The following ANO4 variants were observed in gnomAD, a reference collection of about 807,000 sequenced individuals.
ANO4 encodes the protein anoctamin-4.
In ANO4, 69 loss-of-function variants were observed where a neutral mutation model predicts 141.9. The observed-to-expected ratio is 0.49, with a 90% CI of 0.40 to 0.59. The LOEUF (loss-of-function observed/expected upper bound fraction) is 0.59, where lower values mean the gene tolerates loss of function less well. ANO4 is among the 20% of genes least tolerant of loss of function. The pLI, the probability that ANO4 is intolerant of heterozygous loss-of-function variation, is 0.00. For synonymous variants in ANO4, 350 were observed against 394.3 expected, an observed-to-expected ratio of 0.89 and a Z score of 1.33; for missense variants, 894 against 1,162.2, an observed-to-expected ratio of 0.77 and a Z score of 3.36.
chr12:101,104,621 A>ATG (rs796758540), intron 22 of ANO4, among the ~76,000 whole-genome samples: 4,402 of 48,294 alleles, frequency 0.091, 227 homozygotes, highest in East Asian at 0.19. Context: ...GTGTGTATGT[A>ATG]TGTGTGTATA....
At chr12:101,086,456 G>A (rs981691384) in intron 16 of ANO4, among the ~76,000 whole-genome samples, 45 of 152,032 alleles carry the variant, frequency 3.0e-4, no homozygotes, top group African/African-American at 1.0e-3. Context: ...CAAGCGTGTA[G>A]TTCTTTTATT....
chr12:101,110,023 G>T (rs1270316438), intron 22 of ANO4, among the ~76,000 whole-genome samples: 1 of 152,048 alleles, frequency 6.6e-6, no homozygotes, highest in Non-Finnish European at 1.5e-5. Context: ...TGTCCTATTG[G>T]CATGTCCCCA....
At chr12:100,948,396 C>A (rs750259429) in intron 5 of ANO4, among the ~76,000 whole-genome samples, 4 of 151,924 alleles carry the variant, frequency 2.6e-5, no homozygotes, top group African/African-American at 9.7e-5. Context: ...CATTGTTAAT[C>A]CTGAAGGTGA....
At chr12:100,972,318 G>C (rs1447759262) in intron 6 of ANO4, among the ~76,000 whole-genome samples, 1 of 152,248 alleles carries the variant, frequency 6.6e-6, no homozygotes, top group Non-Finnish European at 1.5e-5. Context: ...TAGAGACAGA[G>C]AGAAGGGTTA....
At chr12:100,874,717 G>T (rs561326274) in intron 1 of ANO4, among the ~76,000 whole-genome samples, 11 of 151,956 alleles carry the variant, frequency 7.2e-5, no homozygotes, top group African/African-American at 2.4e-4. Flanking sequence ...ACAGGGTTTT[G>T]CCATGTTGGT....
chr12:100,812,654 A>G (rs530630145), intron 1 of ANO4, among the ~76,000 whole-genome samples: 23 of 152,200 alleles, frequency 1.5e-4, no homozygotes, highest in African/African-American at 4.3e-4. Flanking sequence ...TAAGCTTTCA[A>G]TCAGCCAGAG....
At chr12:100,876,278 C>CAAAAAAAAA (rs79799106) in intron 1 of ANO4, among the ~76,000 whole-genome samples, 1 of 91,954 alleles carries the variant, frequency 1.1e-5, no homozygotes, top group Non-Finnish European at 2.2e-5. Flanking sequence ...ATATAAAGAC[C>CAAAAAAAAA]AAAAAAAAAA....
intron 1 of ANO4, among the ~76,000 whole-genome samples, chr12:100,850,029 G>A (rs928823993): frequency 3.3e-5 from 5 of 152,296 alleles, no homozygotes; most frequent in South Asian, 2.1e-4. Flanking sequence ...GAGAGTACCT[G>A]GAACTCTGAA....
At chr12:100,900,385 T>A (rs987909508) in intron 1 of ANO4, among the ~76,000 whole-genome samples, 8 of 152,228 alleles carry the variant, frequency 5.3e-5, no homozygotes, top group African/African-American at 1.7e-4. Context: ...ACATGTGCCA[T>A]GTTGGTGTGC....
intron 1 of ANO4, among the ~76,000 whole-genome samples, chr12:100,834,885 A>T (rs2036822551): frequency 1.3e-5 from 2 of 152,182 alleles, no homozygotes; most frequent in African/African-American, 4.8e-5. Context: ...GGGAATGGCA[A>T]GTGCAAACAC....
intron 2 of ANO4, among the ~76,000 whole-genome samples, chr12:100,739,277 CAGACCCTATCCCTAGA>C (rs937877254): frequency 9.9e-5 from 15 of 151,978 alleles, no homozygotes; most frequent in African/African-American, 3.6e-4. Flanking sequence ...CCCCATGTCT[CAGACCCTATCCCTAGA>C]AAGCCTCCCT....
chr12:100,993,783 CATGTAGTA>C (rs1321494934), intron 8 of ANO4, among the ~76,000 whole-genome samples: 3 of 152,164 alleles, frequency 2.0e-5, no homozygotes, highest in African/African-American at 7.2e-5. Context: ...AGAGCTTAGT[CATGTAGTA>C]ATGCTGGGAT....
At chr12:101,083,551 A>T in intron 15 of ANO4, 127 bp from the exon 16 acceptor site, 2 of 1,143,660 alleles carry the variant, frequency 1.7e-6, no homozygotes, top group Admixed American at 2.9e-5. Context: ...ACCCAAACCC[A>T]CTTCATTGGT....
intron 5 of ANO4, among the ~76,000 whole-genome samples, chr12:100,944,219 T>C (rs576675678): frequency 2.0e-5 from 3 of 152,318 alleles, no homozygotes; most frequent in African/African-American, 4.8e-5. Flanking sequence ...TCCTAAAGCA[T>C]CACCTGTACT....
At chr12:100,745,177 TAC>T (rs2032047904) in intron 3 of ANO4, among the ~76,000 whole-genome samples, 1 of 152,242 alleles carries the variant, frequency 6.6e-6, no homozygotes, top group African/African-American at 2.4e-5. Context: ...GCATAGTACT[TAC>T]ACTTGATTCT....
At chr12:100,999,261 T>G (rs1172600107) in intron 8 of ANO4, among the ~76,000 whole-genome samples, 2 of 152,236 alleles carry the variant, frequency 1.3e-5, no homozygotes, top group South Asian at 2.1e-4. Flanking sequence ...TCTTTGCCTT[T>G]TCTAATTTCT....
chr12:100,812,204 G>C (rs12310784), intron 1 of ANO4, among the ~76,000 whole-genome samples: 26,230 of 152,072 alleles, frequency 0.17, 2,409 homozygotes, highest in African/African-American at 0.22. Flanking sequence ...TCTAGAACTG[G>C]GTTTTGCATT....
chr12:101,041,707 C>T (rs2047418369), intron 11 of ANO4, among the ~76,000 whole-genome samples: 1 of 152,030 alleles, frequency 6.6e-6, no homozygotes, highest in Admixed American at 6.6e-5. Context: ...AAATACAAGG[C>T]CATGCATAAT....
At chr12:101,098,220 T>C (rs573590234) in intron 21 of ANO4, among the ~76,000 whole-genome samples, 3 of 152,342 alleles carry the variant, frequency 2.0e-5, no homozygotes, top group African/African-American at 7.2e-5. Flanking sequence ...TGAGCCACTT[T>C]AAATACCTCT....
Sources: allele counts gnomAD v4.1 joint callset (sites outside exome capture counted in the v4.1 genomes callset), GRCh38; gene constraint gnomAD v4.1.1; transcripts MANE v1.5; gene names NCBI Gene and HGNC (gene_info 2026-07-23, HGNC 2026-07-21).